Variants in CRACD observed in about 807,000 individuals in gnomAD.
The protein encoded by CRACD is capping protein inhibiting regulator of actin dynamics.
CRACD carries 56 observed loss-of-function variants against 106.8 expected under a neutral mutation model. The ratio of observed to expected loss-of-function variants is 0.52; its 90% CI spans 0.42 to 0.66. CRACD has a LOEUF of 0.66. CRACD is among the 30% of genes least tolerant of loss of function. The pLI is 0.00. For missense variants in CRACD, 1,730 were observed against 1,623.2 expected, an observed-to-expected ratio of 1.07 and a Z score of -1.13; for synonymous variants, 754 against 670.8, an observed-to-expected ratio of 1.12 and a Z score of -1.92.
chr4:56,154,081 G>T (rs1735683756), intron 1 of CRACD, among the ~76,000 whole-genome samples: 1 of 152,154 alleles, frequency 6.6e-6, no homozygotes, highest in Admixed American at 6.5e-5. Flanking sequence ...GAGTCACTGT[G>T]GTTCAGTGCT....
At chr4:56,104,371 G>A (rs181514054) in intron 1 of CRACD, among the ~76,000 whole-genome samples, 13 of 151,956 alleles carry the variant, frequency 8.6e-5, no homozygotes, top group African/African-American at 3.1e-4. Flanking sequence ...TTTAGCCTGG[G>A]CGACAGAGAG....
chr4:56,090,269 A>G (rs1237973988), intron 1 of CRACD, among the ~76,000 whole-genome samples: 1 of 152,072 alleles, frequency 6.6e-6, no homozygotes, highest in Non-Finnish European at 1.5e-5. Flanking sequence ...GGAGCTGGAA[A>G]GGACTGCACT....
At chr4:56,068,492 G>A (rs1351421515) in intron 1 of CRACD, among the ~76,000 whole-genome samples, 3 of 152,150 alleles carry the variant, frequency 2.0e-5, no homozygotes, top group Non-Finnish European at 2.9e-5. Context: ...AGAGTGACAT[G>A]ATCTGACATA....
chr4:56,237,721 T>TACACACAC (rs36207795), intron 2 of CRACD, among the ~76,000 whole-genome samples: 4 of 144,310 alleles, frequency 2.8e-5, no homozygotes, highest in African/African-American at 1.0e-4. Context: ...AGATATTACA[T>TACACACAC]ACACACACAC....
intron 1 of CRACD, among the ~76,000 whole-genome samples, chr4:56,077,200 A>G (rs1732868909): frequency 6.6e-6 from 1 of 152,202 alleles, no homozygotes; most frequent in Non-Finnish European, 1.5e-5. Flanking sequence ...GAAACTTACA[A>G]TCATGGCTGG....
chr4:56,053,968 C>T (rs1252841003), intron 1 of CRACD, among the ~76,000 whole-genome samples: 5 of 152,106 alleles, frequency 3.3e-5, no homozygotes, highest in Non-Finnish European at 7.4e-5. Context: ...ATATACTTTG[C>T]AGCTAATGAA....
At chr4:56,262,397 C>G (rs1741757220) in intron 2 of CRACD, among the ~76,000 whole-genome samples, 1 of 152,222 alleles carries the variant, frequency 6.6e-6, no homozygotes, top group Admixed American at 6.5e-5. Context: ...TCTACATTCT[C>G]CTAGTGTAAG....
At chr4:56,253,355 G>C (rs1741156596) in intron 2 of CRACD, among the ~76,000 whole-genome samples, 1 of 152,140 alleles carries the variant, frequency 6.6e-6, no homozygotes, top group Non-Finnish European at 1.5e-5. Context: ...AACTTCCTTA[G>C]TTTTTCAAAG....
At chr4:56,233,847 T>C (rs544004693) in intron 2 of CRACD, among the ~76,000 whole-genome samples, 3 of 152,340 alleles carry the variant, frequency 2.0e-5, no homozygotes, top group Non-Finnish European at 4.4e-5. Context: ...TCTTCAATTA[T>C]TAAGTTATTT....
intron 1 of CRACD, among the ~76,000 whole-genome samples, chr4:56,147,424 T>C (rs1735427054): frequency 6.6e-6 from 1 of 152,194 alleles, no homozygotes; most frequent in Non-Finnish European, 1.5e-5. Flanking sequence ...GCATTTTTTT[T>C]CCAACCTCCT....
At chr4:56,114,175 T>C (rs1734209181) in intron 1 of CRACD, among the ~76,000 whole-genome samples, 1 of 151,622 alleles carries the variant, frequency 6.6e-6, no homozygotes, top group South Asian at 2.1e-4. Context: ...TTTCTGTTCC[T>C]TCATTGCTCC....
intron 1 of CRACD, among the ~76,000 whole-genome samples, chr4:56,064,497 C>G (rs918425037): frequency 5.3e-5 from 8 of 152,180 alleles, no homozygotes; most frequent in Non-Finnish European, 1.0e-4. Flanking sequence ...TTAGGGTTAG[C>G]CAAGTCTTCT....
chr4:56,175,673 A>G (rs1407628932), intron 1 of CRACD, among the ~76,000 whole-genome samples: 1 of 152,124 alleles, frequency 6.6e-6, no homozygotes, highest in Non-Finnish European at 1.5e-5. Context: ...AGTTCTTTAT[A>G]TATTCTGGTT....
chr4:56,123,727 T>G (rs1734565910), intron 1 of CRACD, among the ~76,000 whole-genome samples: 1 of 151,740 alleles, frequency 6.6e-6, no homozygotes, highest in Non-Finnish European at 1.5e-5. Context: ...GCATCCATCT[T>G]CAGAGACCAC....
Position 56,328,014 on chromosome 4 carries a change from C to T in CRACD, c.*210C>T, listed in dbSNP as rs372739680. On this transcript the variant is annotated 3_prime_UTR_variant, in exon 11 of 11. Transcript: ENST00000682029. ...TAGGTCCTGGTGCCTCGAGCTCCTC[C>T]TAGTTCTCAAGAGAAAATTCCGTCC... The T allele has an allele frequency of 1.0e-5, 5 of 478,892 alleles. No individual in the cohort carries two copies. The highest frequency in any genetic ancestry group is 5.8e-5 in the African/African-American group (3 of 51,426). The allele number at this position is 478,892 out of a possible 1,614,324, so 29.7% of individuals were successfully genotyped here.
chr4:56,226,453 A>G (rs1739308630), intron 2 of CRACD, among the ~76,000 whole-genome samples: 1 of 152,132 alleles, frequency 6.6e-6, no homozygotes, highest in Non-Finnish European at 1.5e-5. Flanking sequence ...GGCTCAATTA[A>G]CCTCCATTCC....
At chr4:56,292,842 G>A (rs1356244842) in intron 3 of CRACD, among the ~76,000 whole-genome samples, 2 of 152,054 alleles carry the variant, frequency 1.3e-5, no homozygotes, top group African/African-American at 4.8e-5. Flanking sequence ...AATTTTTGAG[G>A]CATGATGTGT....
intron 4 of CRACD, among the ~76,000 whole-genome samples, chr4:56,301,538 A>G (rs555772914): frequency 1.3e-5 from 2 of 152,216 alleles, no homozygotes; most frequent in African/African-American, 2.4e-5. Context: ...TTATTAAGAC[A>G]TTCTTCTGAG....
rs550568308 is a variant in CRACD at position 56,305,801 on chromosome 4, C to A, written c.121-1734C>A. On this transcript the variant is annotated intron_variant, in intron 4 of 10. Transcript: ENST00000682029. ...TCTCTATTATATCTCTGCAGTCTCA[C>A]TGCCCACTGTGCAAGGCTGAGGGGG... Among the ~76,000 whole-genome samples, 6 of 152,320 alleles carry A rather than the reference C, an allele frequency of 3.9e-5. No individual in the cohort carries two copies. In the East Asian group the frequency reaches 1.2e-3, roughly 29 times the overall value.
Sources: gnomAD v4.1 joint callset for allele counts (sites outside exome capture counted in the v4.1 genomes callset) on GRCh38, gnomAD v4.1.1 for gene constraint, MANE v1.5 for transcripts, NCBI Gene and HGNC (gene_info 2026-07-23, HGNC 2026-07-21) for gene names.